TGFB3: variants seen among roughly 807,000 people sequenced by gnomAD.
The protein encoded by TGFB3 is transforming growth factor beta 3, also known as transforming growth factor beta-3 proprotein.
Under a neutral mutation model 40.1 loss-of-function variants are expected in TGFB3, and 5 were observed. That is an observed-to-expected ratio of 0.12 (90% CI 0.07 to 0.26). The LOEUF is 0.26. TGFB3 is among the 10% of genes least tolerant of loss of function. TGFB3 has a pLI of 1.00. For synonymous variants in TGFB3, 184 were observed against 205.6 expected (o/e 0.89, Z 0.90); for missense variants, 373 against 530.1 (o/e 0.70, Z 2.91).
rs3917154 is a variant in TGFB3 at position 75,978,823 on chromosome 14, G to A, written c.352+1719C>T. On this transcript the variant is annotated intron_variant, in intron 1 of 6. Coordinates refer to ENST00000238682, the MANE Select transcript of TGFB3 (RefSeq NM_003239.5). This position sits in a 1 kb window ranked among gnomAD's most constrained non-coding sequence, Gnocchi z 5.0. ...CAGCTCAGGATTCCGGGATGGGGGG[G>A]TCCTGGTGACTCAGAATGCTTCCTC... is the stretch of plus-strand genomic sequence containing the variant. Among the ~76,000 whole-genome samples the A allele has an allele frequency of 6.6e-6, 1 of 152,130 alleles. No individual in the cohort carries two copies. Among genetic ancestry groups the A allele is most frequent in the South Asian group, 2.1e-4 (1 of 4,830 alleles).
chr14:75,972,285 GAGTT>G (rs1178457810), intron 1 of TGFB3, among the ~76,000 whole-genome samples: 1 of 152,214 alleles, frequency 6.6e-6, no homozygotes, highest in African/African-American at 2.4e-5. Context: ...AAGCATGTAA[GAGTT>G]ATTTATATCC....
In TGFB3 at chr14:75,965,634, T is replaced by C. The variant is rs2035212392; in HGVS notation, c.708A>G (p.Gly236=). ...HCPCHTFQPN[G]DILENIHEVM... ...CCTCGTGAATGTTTTCCAGGATATC[T>C]CCATTGGGCTGAAAGGTGTGACATG... Residue 236 remains glycine (G), a synonymous_variant, in exon 4 of 7, where the codon GGA becomes GGG. Coordinates refer to ENST00000238682, the MANE Select transcript of TGFB3 (RefSeq NM_003239.5). The C allele has an allele frequency of 2.5e-6, 4 of 1,614,206 alleles. No homozygotes were observed. Among genetic ancestry groups the C allele is most frequent in the East Asian group, 2.2e-5 (1 of 44,890 alleles).
intron 4 of TGFB3, 119 bp from the exon 5 acceptor site, chr14:75,963,606 G>T: frequency 8.2e-7 from 1 of 1,225,880 alleles, no homozygotes; most frequent in Non-Finnish European, 1.2e-6. Context: ...CTGCGAGGGA[G>T]GTGTGGGGGA....
chr14:75,977,052 C>T (rs1034776240), intron 1 of TGFB3, among the ~76,000 whole-genome samples: 5 of 152,298 alleles, frequency 3.3e-5, no homozygotes, highest in Admixed American at 3.3e-4. Flanking sequence ...AAGTGCTGAC[C>T]TCTACTGTGC....
rs143612445 is a variant in TGFB3, at chr14:75,980,860, G to A, written c.34C>T (p.Leu12=). Residue 12 remains leucine, a synonymous_variant, in exon 1 of 7, where the codon CTG becomes TTG. Transcript: ENST00000238682. The surrounding 1 kb of genome is among the most constrained non-coding windows in gnomAD (Gnocchi z 4.3). The stretch of plus-strand genomic sequence containing the variant: ...ACCGTGGCAAAGTTCAGCAGGGCCA[G>A]GACCACCAGAGCCCTTTGCAAGTGC... ...KMHLQRALVV[L]ALLNFATVSL... 1.5e-4 allele frequency: 238 copies of A among 1,614,174 alleles called. No individual in the cohort carries two copies. The African/African-American group carries it at 3.0e-3, about 20-fold the overall frequency.
At chr14:75,965,718 TGAGAAAAGCACC>T in intron 3 of TGFB3, 23 bp from the exon 4 acceptor site, 1 of 1,590,974 alleles carries the variant, frequency 6.3e-7, no homozygotes, top group Non-Finnish European at 8.6e-7. Context: ...ACAGAATTAG[TGAGAAAAGCACC>T]TCTGTGTGAT....
chr14:75,973,169 TC>T (rs2035314122), intron 1 of TGFB3, among the ~76,000 whole-genome samples: 1 of 152,158 alleles, frequency 6.6e-6, no homozygotes, highest in Non-Finnish European at 1.5e-5. Context: ...AAATTCAAGC[TC>T]ATAGACCCAG....
In TGFB3 at chr14:75,980,732, G is replaced by T; in HGVS notation, c.162C>A (p.Thr54=). The T allele has an allele frequency of 6.2e-7, 1 of 1,614,192 alleles. No homozygotes were observed. Residue 54 remains threonine (T), a synonymous_variant, in exon 1 of 7, where the codon ACC becomes ACA. Coordinates refer to ENST00000238682, the MANE Select transcript of TGFB3 (RefSeq NM_003239.5). This position sits in a 1 kb window ranked among gnomAD's most constrained non-coding sequence, Gnocchi z 4.3. ...RGQILSKLRL[T]SPPEPTVMTH... is the part of the protein sequence containing the mutation. The stretch of plus-strand genomic sequence containing the variant: ...TCATCACCGTTGGCTCAGGGGGGCT[G>T]GTGAGCCTGAGCTTGCTCAAGATCT...
intron 1 of TGFB3, among the ~76,000 whole-genome samples, chr14:75,972,631 A>G (rs1185353661): frequency 6.6e-6 from 1 of 152,180 alleles, no homozygotes; most frequent in Admixed American, 6.5e-5. Context: ...GACTGCTGGA[A>G]GCAAAGGCAG....
In TGFB3 at chr14:75,980,472, C is replaced by T; in HGVS notation, c.352+70G>A. The T allele has an allele frequency of 1.3e-6, 2 of 1,503,782 alleles. No individual in the cohort carries two copies. The highest frequency in any genetic ancestry group is 9.3e-7 in the Non-Finnish European group (1 of 1,080,346). The allele number at this position is 1,503,782 out of a possible 1,614,324, so 93.2% of individuals were successfully genotyped here. On this transcript the variant is annotated intron_variant, in intron 1 of 6. Coordinates refer to ENST00000238682, the MANE Select transcript of TGFB3 (RefSeq NM_003239.5). The surrounding 1 kb of genome is among the most constrained non-coding windows in gnomAD (Gnocchi z 4.3). ...CTGCTGTGTGGCCAGCACTAGGCCC[C>T]CCTCTGCAGAGCTCCCAGCTCCAGT...
At chr14:75,965,803 T>C in intron 3 of TGFB3, 108 bp from the exon 4 acceptor site, 2 of 893,370 alleles carry the variant, frequency 2.2e-6, no homozygotes, top group Non-Finnish European at 3.7e-6. Context: ...TAGGGACTCA[T>C]AGGAACTGAG....
rs180733964 is a variant in TGFB3, at chr14:75,962,469, C to T, written c.926+847G>A. Among the ~76,000 whole-genome samples, 6 of 152,248 alleles carry T rather than the reference C, an allele frequency of 3.9e-5. No homozygotes were observed. The East Asian group carries it at 1.2e-3, about 29-fold the overall frequency. On this transcript the variant is annotated intron_variant, in intron 5 of 6. Coordinates refer to ENST00000238682, the MANE Select transcript of TGFB3 (RefSeq NM_003239.5). Reference sequence around the variant, plus strand: ...TTCCAGATCTAAATATTTCCCAATTCGTTCTCCCCAGCTTCATTTCGGCAT... The same window carrying T: ...TTCCAGATCTAAATATTTCCCAATTTGTTCTCCCCAGCTTCATTTCGGCAT...
rs3917216 is a variant in TGFB3 at position 75,959,002 on chromosome 14, G to A, written c.*185C>T. The A allele has an allele frequency of 1.2e-3, 835 of 722,316 alleles. 10 individuals are homozygous for A. The South Asian group carries it at 0.012, about 11-fold the overall frequency. 44.7% of individuals were successfully genotyped at this position (722,316 alleles called of 1,614,324 possible). Reference sequence around the variant, plus strand: ...CCAAACCCACACTTTCTTTACCACCGTGATTCTCAGAGCCAGCAAGAAAGA... The same window carrying A: ...CCAAACCCACACTTTCTTTACCACCATGATTCTCAGAGCCAGCAAGAAAGA... On this transcript the variant is annotated 3_prime_UTR_variant, in exon 7 of 7. Transcript: ENST00000238682.
chr14:75,970,162 T>C lies in TGFB3; in HGVS notation c.646+964A>G, dbSNP rs535384512. 1.2e-4 allele frequency among the ~76,000 whole-genome samples: 18 copies of C among 152,166 alleles called. 1 individual carries two copies. The highest frequency in any genetic ancestry group is 2.6e-4 in the Admixed American group (4 of 15,278). On this transcript the variant is annotated intron_variant, in intron 3 of 6. Transcript: ENST00000238682. ...CACCCAGTAGAGGGACAGGAAGGAATTCCTGGGTATCTTGAGTATCCCCAG... is the reference window on the plus strand; with the variant it reads ...CACCCAGTAGAGGGACAGGAAGGAACTCCTGGGTATCTTGAGTATCCCCAG...
In TGFB3 at chr14:75,959,931, C is replaced by CTTTTTTTTTT. The variant is rs71122509; in HGVS notation, c.1081-596_1081-587dup. 2.2e-4 allele frequency among the ~76,000 whole-genome samples: 7 copies of CTTTTTTTTTT among 32,018 alleles called. 1 individual carries two copies. The highest frequency in any genetic ancestry group is 2.7e-4 in the Non-Finnish European group (5 of 18,422). 21.0% of individuals were successfully genotyped at this position (32,018 alleles called of 152,430 possible). On this transcript the variant is annotated intron_variant, in intron 6 of 6. Coordinates refer to ENST00000238682, the MANE Select transcript of TGFB3 (RefSeq NM_003239.5). ...CTACACTGATAACGAATTATCTTGG[C>CTTTTTTTTTT]TTTTTTTTTTTTTTTTTTTTTTTTT...
At chr14:75,964,124 C>T (rs2035193458) in intron 4 of TGFB3, among the ~76,000 whole-genome samples, 1 of 152,176 alleles carries the variant, frequency 6.6e-6, no homozygotes, top group Non-Finnish European at 1.5e-5. Flanking sequence ...GATCCGCCCA[C>T]CTCGGCCTCC....
Position 75,980,138 on chromosome 14 carries a change from C to T in TGFB3, c.352+404G>A, listed in dbSNP as rs1405261998. On this transcript the variant is annotated intron_variant, in intron 1 of 6. Coordinates refer to ENST00000238682, the MANE Select transcript of TGFB3 (RefSeq NM_003239.5). This position sits in a 1 kb window ranked among gnomAD's most constrained non-coding sequence, Gnocchi z 4.3. Reference sequence around the variant, plus strand: ...GCAGGGAGAAGATGAGGTCTCCACACTGAGAACCGTAAGGGCTCCTGACAG... The same window carrying T: ...GCAGGGAGAAGATGAGGTCTCCACATTGAGAACCGTAAGGGCTCCTGACAG... Among the ~76,000 whole-genome samples the T allele has an allele frequency of 6.6e-6, 1 of 152,238 alleles. No homozygotes were observed. Among genetic ancestry groups the T allele is most frequent in the African/African-American group, 2.4e-5 (1 of 41,460 alleles).
intron 1 of TGFB3, among the ~76,000 whole-genome samples, chr14:75,972,846 A>G (rs1387861961): frequency 6.6e-6 from 1 of 152,246 alleles, no homozygotes; most frequent in Non-Finnish European, 1.5e-5. Flanking sequence ...AGCAGGGCTT[A>G]TATAGCAAAG....
chr14:75,961,263 G>T (rs143794337), intron 5 of TGFB3, among the ~76,000 whole-genome samples, 187 bp from the exon 6 acceptor site: 65 of 152,318 alleles, frequency 4.3e-4, no homozygotes, highest in Non-Finnish European at 6.6e-4. Flanking sequence ...TAAAGACCAG[G>T]ATCCCAAGGA....
Sources: gnomAD v4.1 joint callset for allele counts (sites outside exome capture counted in the v4.1 genomes callset) on GRCh38, gnomAD v4.1.1 for gene constraint, Gnocchi (gnomAD v3.1) non-coding constraint, MANE v1.5 for transcripts, NCBI Gene and HGNC (gene_info 2026-07-23, HGNC 2026-07-21) for gene names.